TAS2R1: variants seen among roughly 807,000 people sequenced by gnomAD.
TAS2R1 encodes the protein taste receptor type 2 member 1.
For missense variants in TAS2R1, 370 were observed against 353.4 expected, an observed-to-expected ratio of 1.05 and a Z score of -0.38; for synonymous variants, 141 against 134.2, an observed-to-expected ratio of 1.05 and a Z score of -0.35.
At chr5:9,725,590 T>C in the TAS2R1 span, among the ~76,000 whole-genome samples, 2 of 152,176 alleles carry the variant, frequency 1.3e-5, no homozygotes, top group African/African-American at 4.8e-5. Flanking sequence ...CCGCCATGCC[T>C]GAGCACCGCC....
chr5:9,641,077 A>G (rs1283220685), intron 2 of TAS2R1, among the ~76,000 whole-genome samples: 1 of 151,610 alleles, frequency 6.6e-6, no homozygotes, highest in African/African-American at 2.4e-5. Flanking sequence ...GGGAAAGTGA[A>G]AAAAAAAAGT....
chr5:9,646,281 A>G (rs901981593), intron 2 of TAS2R1, among the ~76,000 whole-genome samples: 3 of 152,246 alleles, frequency 2.0e-5, no homozygotes, highest in South Asian at 2.1e-4. Context: ...CTCAGATTTT[A>G]TTGTGCTATA....
rs749941550 is a variant in TAS2R1 at position 9,629,844 on chromosome 5, GA to G, written c.68del (p.Phe23SerfsTer5). On this transcript the variant is annotated frameshift_variant, in exon 3 of 3. Transcript: ENST00000506620. LOFTEE classifies it low-confidence loss of function (END_TRUNC). Reference sequence around the variant, plus strand: ...AGAAGATAACAATCACATTAACGTAGAAGATGAACAACTGCAGAAAAATTCT... The same window carrying G: ...AGAAGATAACAATCACATTAACGTAGAGATGAACAACTGCAGAAAAATTCT... 5 of 1,613,588 alleles carry G rather than the reference GA, an allele frequency of 3.1e-6. No homozygotes were observed. The East Asian group carries it at 8.9e-5, about 29-fold the overall frequency.
chr5:9,867,831 A>G, the TAS2R1 span, among the ~76,000 whole-genome samples: 2 of 152,224 alleles, frequency 1.3e-5, no homozygotes, highest in African/African-American at 4.8e-5. Flanking sequence ...TACTTCCTAC[A>G]TACAATGGGG....
chr5:9,707,449 C>T (rs1027600823), intron 1 of TAS2R1, among the ~76,000 whole-genome samples: 8 of 152,202 alleles, frequency 5.3e-5, no homozygotes, highest in African/African-American at 1.9e-4. Context: ...AGAAAACACA[C>T]AGCCAGAGCA....
intron 1 of TAS2R1, among the ~76,000 whole-genome samples, chr5:9,681,577 A>G (rs1417029702): frequency 6.8e-6 from 1 of 146,468 alleles, no homozygotes; most frequent in Admixed American, 6.8e-5. Flanking sequence ...TACCTGCTTT[A>G]GAGATATTTC....
chr5:9,702,814 C>A lies in TAS2R1; in HGVS notation c.-242+9358G>T, dbSNP rs532727440. Among the ~76,000 whole-genome samples, 7 of 151,574 alleles carry A rather than the reference C, an allele frequency of 4.6e-5. No homozygotes were observed. The South Asian group carries it at 1.5e-3, about 32-fold the overall frequency. On this transcript the variant is annotated intron_variant, in intron 1 of 2. Coordinates refer to the TAS2R1 transcript ENST00000506620. The stretch of plus-strand genomic sequence containing the variant: ...GACTGGTGGAGAGAAAGAGAGGAGC[C>A]AGCAAAAGTAAGGGCATTGGGGGTG...
At chr5:9,830,606 C>T in the TAS2R1 span, among the ~76,000 whole-genome samples, 521 of 5,368 alleles carry the variant, frequency 0.097, 2 homozygotes, top group African/African-American at 0.13. Context: ...CGTGCGCGCG[C>T]ACACACACAC....
chr5:9,806,618 C>T, the TAS2R1 span, among the ~76,000 whole-genome samples: 157 of 152,050 alleles, frequency 1.0e-3, no homozygotes, highest in African/African-American at 3.3e-3. Flanking sequence ...AATTGATTTT[C>T]GGCCAAGCAA....
the TAS2R1 span, among the ~76,000 whole-genome samples, chr5:9,736,692 T>C: frequency 6.6e-6 from 1 of 152,212 alleles, no homozygotes; most frequent in Admixed American, 6.5e-5. Context: ...CAGGTCCTGC[T>C]GGGGAATCCA....
chr5:9,635,594 ATTTTT>A (rs541071696), intron 2 of TAS2R1, among the ~76,000 whole-genome samples: 2,337 of 142,002 alleles, frequency 0.016, 34 homozygotes, highest in South Asian at 0.036. Context: ...TTTTGTTGTG[ATTTTT>A]TTTTTTTACT....
chr5:9,809,009 C>T, the TAS2R1 span, among the ~76,000 whole-genome samples: 1 of 152,152 alleles, frequency 6.6e-6, no homozygotes, highest in East Asian at 1.9e-4. Flanking sequence ...TAAGAACTTC[C>T]TTATGACCCA....
the TAS2R1 span, among the ~76,000 whole-genome samples, chr5:9,863,422 C>G: frequency 6.6e-6 from 1 of 152,038 alleles, no homozygotes; most frequent in Non-Finnish European, 1.5e-5. Context: ...GGGCTCCCAC[C>G]AACACGTCTA....
chr5:9,687,329 G>C (rs1339867844), intron 1 of TAS2R1, among the ~76,000 whole-genome samples: 1 of 152,124 alleles, frequency 6.6e-6, no homozygotes, highest in Non-Finnish European at 1.5e-5. Context: ...ATTTTAAAAA[G>C]TAAAATAACA....
At chr5:9,761,415 A>G in the TAS2R1 span, among the ~76,000 whole-genome samples, 3 of 140,188 alleles carry the variant, frequency 2.1e-5, no homozygotes, top group South Asian at 2.2e-4. Context: ...CAAGTCCCAG[A>G]AAAAAAAAAA....
chr5:9,701,221 GACACACACACACACACAC>G (rs34248017), intron 1 of TAS2R1, among the ~76,000 whole-genome samples: 26,827 of 135,926 alleles, frequency 0.2, 2,620 homozygotes, highest in Middle Eastern at 0.25. Context: ...CAGACACGCA[GACACACACACACACACAC>G]ACACACACAC....
chr5:9,693,524 C>CAAAAAAAAAA (rs35262775), intron 1 of TAS2R1, among the ~76,000 whole-genome samples: 2 of 33,026 alleles, frequency 6.1e-5, no homozygotes, highest in African/African-American at 2.1e-4. Flanking sequence ...AACTCCATCT[C>CAAAAAAAAAA]AAAAAAAAAA....
the TAS2R1 span, among the ~76,000 whole-genome samples, chr5:9,897,946 T>A: frequency 6.6e-6 from 1 of 152,130 alleles, no homozygotes; most frequent in South Asian, 2.1e-4. Flanking sequence ...TTCAATACAG[T>A]CCCTCAAATT....
intron 1 of TAS2R1, among the ~76,000 whole-genome samples, chr5:9,672,332 A>G (rs1304412948): frequency 2.0e-5 from 3 of 152,136 alleles, no homozygotes; most frequent in African/African-American, 7.2e-5. Context: ...CACACAATCA[A>G]CAGAGTAAAA....
Sources: gnomAD v4.1 joint callset for allele counts (sites outside exome capture counted in the v4.1 genomes callset) on GRCh38, gnomAD v4.1.1 for gene constraint, MANE v1.5 for transcripts, NCBI Gene and HGNC (gene_info 2026-07-23, HGNC 2026-07-21) for gene names.